INPP5A: variants seen among roughly 807,000 people sequenced by gnomAD.
INPP5A encodes inositol polyphosphate-5-phosphatase A.
In INPP5A, 14 loss-of-function variants were observed where a neutral mutation model predicts 65.2. The observed-to-expected ratio is 0.21, with a 90% CI of 0.14 to 0.34. The LOEUF (loss-of-function observed/expected upper bound fraction) is 0.34. Among genes scored for constraint, INPP5A ranks in the 10% least tolerant of loss-of-function variants. INPP5A has a pLI of 1.00. For synonymous variants in INPP5A, 207 were observed against 208.3 expected (o/e 0.99, Z 0.05); for missense variants, 431 against 545.6 (o/e 0.79, Z 2.09).
At chr10:132,629,993 G>A (rs928939549) in intron 2 of INPP5A, among the ~76,000 whole-genome samples, 2 of 151,988 alleles carry the variant, frequency 1.3e-5, no homozygotes, top group East Asian at 1.9e-4. Context: ...CGTCATCCTC[G>A]AGGGAAAAGC....
intron 1 of INPP5A, among the ~76,000 whole-genome samples, chr10:132,567,507 C>T (rs968443461): frequency 2.6e-5 from 4 of 152,202 alleles, no homozygotes; most frequent in Non-Finnish European, 5.9e-5. Flanking sequence ...TCCTATGTTT[C>T]CCCTGATAGG....
intron 1 of INPP5A, among the ~76,000 whole-genome samples, chr10:132,556,842 A>C (rs2071133467): frequency 6.6e-6 from 1 of 151,126 alleles, no homozygotes. Context: ...TCTTGTATTT[A>C]GGTTGCTGAT....
In INPP5A at chr10:132,596,956, CAT is replaced by C. The variant is rs1491500363; in HGVS notation, c.76-10958_76-10957del. On this transcript the variant is annotated intron_variant, in intron 1 of 15. Transcript: ENST00000368594. ...GCACGCATGTGTGCGTGTGTGCACA[CAT>C]GTGTGCGTGTGTGCATGCGTGTGTG... Among the ~76,000 whole-genome samples the C allele has an allele frequency of 5.9e-3, 773 of 131,330 alleles. 6 individuals carry two copies. Among genetic ancestry groups the C allele is most frequent in the South Asian group, 0.026 (101 of 3,896 alleles). 86.2% of individuals were successfully genotyped at this position (131,330 alleles called of 152,430 possible).
intron 2 of INPP5A, among the ~76,000 whole-genome samples, chr10:132,633,525 T>G (rs2072300924): frequency 6.6e-6 from 1 of 152,178 alleles, no homozygotes; most frequent in South Asian, 2.1e-4. Context: ...TGTCTGAGCC[T>G]GGGCACCGCA....
intron 4 of INPP5A, among the ~76,000 whole-genome samples, chr10:132,654,157 G>C (rs940936168): frequency 6.6e-6 from 1 of 152,254 alleles, no homozygotes; most frequent in Admixed American, 6.5e-5. Flanking sequence ...AGTGAGAGTG[G>C]GTCTCAGGCC....
At chr10:132,596,845 A>G (rs560111257) in intron 1 of INPP5A, among the ~76,000 whole-genome samples, 4 of 134,068 alleles carry the variant, frequency 3.0e-5, no homozygotes, top group Non-Finnish European at 6.7e-5. Flanking sequence ...GCGTGTGTGC[A>G]TGCGTGTGTG....
At chr10:132,742,130 G>A (rs184012840) in intron 9 of INPP5A, among the ~76,000 whole-genome samples, 74 of 152,316 alleles carry the variant, frequency 4.9e-4, no homozygotes, top group African/African-American at 1.7e-3. Flanking sequence ...CATGAGCCAC[G>A]CTGCATCAGA....
intron 9 of INPP5A, among the ~76,000 whole-genome samples, chr10:132,731,790 C>T (rs1846091345): frequency 1.3e-5 from 2 of 152,228 alleles, no homozygotes; most frequent in Non-Finnish European, 1.5e-5. Flanking sequence ...CACGAATCGG[C>T]AGAAGGAAAG....
intron 9 of INPP5A, among the ~76,000 whole-genome samples, chr10:132,731,114 G>A (rs750659314): frequency 5.3e-5 from 8 of 152,206 alleles, no homozygotes; most frequent in Non-Finnish European, 1.0e-4. Flanking sequence ...CCTGGCAGAC[G>A]TGGCGGTCAT....
intron 2 of INPP5A, among the ~76,000 whole-genome samples, chr10:132,638,652 C>G (rs531250324): frequency 2.6e-5 from 4 of 152,364 alleles, no homozygotes; most frequent in Admixed American, 6.5e-5. Context: ...ACTGCAGCCT[C>G]TGCCTCTTGG....
intron 3 of INPP5A, among the ~76,000 whole-genome samples, chr10:132,646,346 C>T (rs2072494537): frequency 6.6e-6 from 1 of 152,174 alleles, no homozygotes; most frequent in South Asian, 2.1e-4. Flanking sequence ...CGGCAGGGAG[C>T]GTCTATCCTC....
chr10:132,627,580 G>A lies in INPP5A; in HGVS notation c.118-18288G>A, dbSNP rs1590877684. Among the ~76,000 whole-genome samples, 1 of 152,224 alleles carries A rather than the reference G, an allele frequency of 6.6e-6. No homozygotes were observed. The highest frequency in any genetic ancestry group is 1.5e-5 in the Non-Finnish European group (1 of 68,040). On this transcript the variant is annotated intron_variant, in intron 2 of 15. Transcript: ENST00000368594. This position sits in a 1 kb window ranked among gnomAD's most constrained non-coding sequence, Gnocchi z 6.6. Reference sequence around the variant, plus strand: ...TGTCCCCAGCTGCCAGCAACGTGCAGCGGATGACAAGTGAAATGAACGAGG... The same window carrying A: ...TGTCCCCAGCTGCCAGCAACGTGCAACGGATGACAAGTGAAATGAACGAGG...
chr10:132,578,683 G>A (rs2071441946), intron 1 of INPP5A, among the ~76,000 whole-genome samples: 1 of 132,956 alleles, frequency 7.5e-6, no homozygotes, highest in Admixed American at 7.6e-5. Flanking sequence ...AGTATGTGGG[G>A]GCTGGGTCCG....
At chr10:132,761,912 G>T (rs1023337712) in intron 11 of INPP5A, among the ~76,000 whole-genome samples, 5 of 152,072 alleles carry the variant, frequency 3.3e-5, no homozygotes, top group African/African-American at 1.2e-4. Context: ...ATTATTAAAA[G>T]CATGACAGAA....
intron 4 of INPP5A, among the ~76,000 whole-genome samples, chr10:132,671,172 C>T (rs962705092): frequency 2.6e-5 from 4 of 152,090 alleles, no homozygotes; most frequent in African/African-American, 7.2e-5. Context: ...CAGGAGTGTC[C>T]CTGTCTCTCC....
At chr10:132,749,177 A>AG (rs1846425492) in intron 9 of INPP5A, among the ~76,000 whole-genome samples, 1 of 152,254 alleles carries the variant, frequency 6.6e-6, no homozygotes, top group Admixed American at 6.5e-5. Flanking sequence ...GTGCCCCCGC[A>AG]GGCACCCTCT....
intron 8 of INPP5A, among the ~76,000 whole-genome samples, chr10:132,721,131 G>C (rs1378526402): frequency 2.0e-5 from 3 of 151,604 alleles, no homozygotes; most frequent in Admixed American, 1.3e-4. Flanking sequence ...TCAGGGTTCT[G>C]TGGTACCTGG....
intron 4 of INPP5A, among the ~76,000 whole-genome samples, chr10:132,671,397 T>TCCGCCCTCCCTGCTTC (rs1564958023): frequency 1.8e-3 from 138 of 76,670 alleles, no homozygotes; most frequent in East Asian, 3.2e-3. Flanking sequence ...CTCCCTGCTC[T>TCCGCCCTCCCTGCTTC]GGACTCCGCC....
chr10:132,635,800 T>C (rs2072341502), intron 2 of INPP5A, among the ~76,000 whole-genome samples: 1 of 150,892 alleles, frequency 6.6e-6, no homozygotes, highest in African/African-American at 2.4e-5. Flanking sequence ...TCCCTGTCTC[T>C]CGAAGATTTA....
Sources: allele counts gnomAD v4.1 joint callset (sites outside exome capture counted in the v4.1 genomes callset), GRCh38; gene constraint gnomAD v4.1.1; non-coding constraint Gnocchi (gnomAD v3.1); transcripts MANE v1.5; gene names NCBI Gene and HGNC (gene_info 2026-07-23, HGNC 2026-07-21).